Variants in GALNT1 observed in about 807,000 individuals in gnomAD.
GALNT1 encodes the protein GalNAc transferase 1.
In GALNT1, 17 loss-of-function variants were observed where a neutral mutation model predicts 65.7. That is an observed-to-expected ratio of 0.26 (90% CI 0.18 to 0.39). The LOEUF (loss-of-function observed/expected upper bound fraction) is 0.39. Ranked by LOEUF, GALNT1 falls within the 10% of genes least tolerant of loss-of-function variation. GALNT1 has a pLI of 1.00. For synonymous variants in GALNT1, 210 were observed against 219.7 expected (o/e 0.96, Z 0.39); for missense variants, 460 against 672.8 (o/e 0.68, Z 3.50).
rs148332984 is a variant in GALNT1 at position 35,675,301 on chromosome 18, T to G, written c.315-2290T>G. Among the ~76,000 whole-genome samples, 71 of 152,340 alleles carry G rather than the reference T, an allele frequency of 4.7e-4. 1 individual carries two copies. The highest frequency in any genetic ancestry group is 1.5e-3 in the African/African-American group (61 of 41,580). On this transcript the variant is annotated intron_variant, in intron 3 of 11. Coordinates refer to ENST00000269195, the MANE Select transcript of GALNT1 (RefSeq NM_020474.4). ...TACCTGTTCTGAGGTTAATTATGGTTGTTTAATATTTTCTCTATGTTTCCT... is the reference window on the plus strand; with the variant it reads ...TACCTGTTCTGAGGTTAATTATGGTGGTTTAATATTTTCTCTATGTTTCCT...
At chr18:35,672,349 A>G (rs965722214) in intron 3 of GALNT1, among the ~76,000 whole-genome samples, 1 of 152,172 alleles carries the variant, frequency 6.6e-6, no homozygotes, top group African/African-American at 2.4e-5. Flanking sequence ...GCAGATTCAC[A>G]ATGAAATGCC....
At chr18:35,706,656 A>G (rs747641227) in intron 11 of GALNT1, among the ~76,000 whole-genome samples, 2 of 152,202 alleles carry the variant, frequency 1.3e-5, no homozygotes, top group Non-Finnish European at 2.9e-5. Flanking sequence ...AAAGTTGAGC[A>G]TTCAGGATGT....
rs562630978 is a variant in GALNT1, at chr18:35,692,340, A to G, written c.1299+20A>G. On this transcript the variant is annotated intron_variant, in intron 9 of 11. Coordinates refer to ENST00000269195, the MANE Select transcript of GALNT1 (RefSeq NM_020474.4). Reference sequence around the variant, plus strand: ...GGAGAGGTAAGAAATATATATATATATATTCTATGTGGTTATTATGTTCTT... The same window carrying G: ...GGAGAGGTAAGAAATATATATATATGTATTCTATGTGGTTATTATGTTCTT... The G allele has an allele frequency of 4.9e-6, 7 of 1,424,322 alleles. No individual in the cohort carries two copies. The African/African-American group carries it at 5.8e-5, about 12-fold the overall frequency. The allele number at this position is 1,424,322 out of a possible 1,614,324, so 88.2% of individuals were successfully genotyped here. A position where few individuals can be genotyped will look rare whatever the true frequency, so the allele number is the denominator to read the frequency against.
At chr18:35,675,496 T>G (rs1347478723) in intron 3 of GALNT1, among the ~76,000 whole-genome samples, 1 of 152,210 alleles carries the variant, frequency 6.6e-6, no homozygotes, top group African/African-American at 2.4e-5. Context: ...TCTTACAATC[T>G]TACTTCCTTT....
At chr18:35,622,521 G>C (rs532458455) in intron 1 of GALNT1, among the ~76,000 whole-genome samples, 1 of 152,276 alleles carries the variant, frequency 6.6e-6, no homozygotes, top group South Asian at 2.1e-4. Context: ...CAAAGTGTTA[G>C]GATTACAGGC....
At chr18:35,687,306 G>T in intron 6 of GALNT1, 120 bp downstream of exon 6, 2 of 816,706 alleles carry the variant, frequency 2.4e-6, no homozygotes, top group Non-Finnish European at 1.8e-6. Context: ...TATACCTTAT[G>T]GTAGTTAACA....
intron 1 of GALNT1, among the ~76,000 whole-genome samples, chr18:35,588,103 T>G (rs2046398401): frequency 6.6e-6 from 1 of 152,212 alleles, no homozygotes. Flanking sequence ...TGTTTTCTGC[T>G]CTTACATCCT....
chr18:35,648,273 C>T (rs1282887974), intron 1 of GALNT1, among the ~76,000 whole-genome samples: 1 of 152,068 alleles, frequency 6.6e-6, no homozygotes, highest in Non-Finnish European at 1.5e-5. Context: ...CAGTAAATTG[C>T]ATAAGATATT....
chr18:35,677,543 T>A (rs2047727983), intron 3 of GALNT1, 48 bp from the exon 4 acceptor site: 6 of 1,485,984 alleles, frequency 4.0e-6, no homozygotes, highest in Non-Finnish European at 4.6e-6. Flanking sequence ...TCCTTTATTA[T>A]GCAATCTTAA....
intron 1 of GALNT1, among the ~76,000 whole-genome samples, chr18:35,625,033 G>C (rs972299686): frequency 1.3e-5 from 2 of 152,200 alleles, no homozygotes; most frequent in African/African-American, 2.4e-5. Context: ...TGGTGCTACA[G>C]TGGAAAGTAA....
chr18:35,584,610 G>A (rs962026721), intron 1 of GALNT1, among the ~76,000 whole-genome samples: 1 of 152,164 alleles, frequency 6.6e-6, no homozygotes, highest in Non-Finnish European at 1.5e-5. Context: ...AGTCTCTCTG[G>A]CACCAGGGAC....
rs370129413 is a variant in GALNT1, at chr18:35,629,281, C to T, written c.-103-25279C>T. Among the ~76,000 whole-genome samples, 69 of 152,144 alleles carry T rather than the reference C, an allele frequency of 4.5e-4. No individual in the cohort carries two copies. The East Asian group carries it at 0.012, about 27-fold the overall frequency. On this transcript the variant is annotated intron_variant, in intron 1 of 11. Coordinates refer to ENST00000269195, the MANE Select transcript of GALNT1 (RefSeq NM_020474.4). ...ACATAATTGTCAGATTCACCAAAGT[C>T]AAAATGAAGGAAAAAATATTAAGGG...
intron 1 of GALNT1, among the ~76,000 whole-genome samples, chr18:35,632,782 A>T (rs2047032357): frequency 6.6e-6 from 1 of 152,204 alleles, no homozygotes. Context: ...AATGGGAGAA[A>T]ATTTTTGCAA....
intron 4 of GALNT1, among the ~76,000 whole-genome samples, chr18:35,678,984 T>TA (rs138477376): frequency 0.013 from 1,966 of 152,320 alleles, 45 homozygotes; most frequent in African/African-American, 0.045. Flanking sequence ...ATTTATATCT[T>TA]ACCTTTTTAA....
At chr18:35,673,289 T>C (rs1344310709) in intron 3 of GALNT1, among the ~76,000 whole-genome samples, 2 of 152,240 alleles carry the variant, frequency 1.3e-5, no homozygotes, top group Non-Finnish European at 2.9e-5. Context: ...GGAAATTTCT[T>C]GAAAATTCTT....
At chr18:35,614,320 G>A (rs1352001523) in intron 1 of GALNT1, among the ~76,000 whole-genome samples, 1 of 151,964 alleles carries the variant, frequency 6.6e-6, no homozygotes, top group Admixed American at 6.6e-5. Context: ...TGTAATTATC[G>A]ACACAAGCAG....
intron 1 of GALNT1, among the ~76,000 whole-genome samples, chr18:35,611,079 T>A (rs72958871): frequency 0.096 from 14,603 of 152,202 alleles, 852 homozygotes; most frequent in African/African-American, 0.17. Flanking sequence ...TGTACTACAT[T>A]TTCAGAACTG....
At chr18:35,610,836 T>C (rs1598783461) in intron 1 of GALNT1, among the ~76,000 whole-genome samples, 2 of 152,334 alleles carry the variant, frequency 1.3e-5, no homozygotes, top group Middle Eastern at 6.8e-3. Flanking sequence ...CTGACATTTG[T>C]GTAAATCCCA....
At position 35,707,422 on chromosome 18, in the gene GALNT1, T is replaced by A. The variant is rs541068555; in HGVS notation, c.1534-2202T>A. On this transcript the variant is annotated intron_variant, in intron 11 of 11. Transcript: ENST00000269195. The stretch of plus-strand genomic sequence containing the variant: ...GTTGCCTGAGTCCTCTGAGGAGTGC[T>A]GTGATGACAGCATCCTACCCACAAG... 2.0e-5 allele frequency among the ~76,000 whole-genome samples: 3 copies of A among 152,308 alleles called. No individual in the cohort carries two copies. The East Asian group carries it at 5.8e-4, about 29-fold the overall frequency.
Sources: allele counts gnomAD v4.1 joint callset (sites outside exome capture counted in the v4.1 genomes callset), GRCh38; gene constraint gnomAD v4.1.1; transcripts MANE v1.5; gene names NCBI Gene and HGNC (gene_info 2026-07-23, HGNC 2026-07-21).